SSX2IP: variants seen among roughly 807,000 people sequenced by gnomAD.
SSX2IP encodes SSX family member 2 interacting protein, also known as afadin- and alpha-actinin-binding protein.
Under a neutral mutation model 84.9 loss-of-function variants are expected in SSX2IP, and 55 were observed. The observed-to-expected ratio is 0.65, with a 90% CI of 0.52 to 0.81. The LOEUF (loss-of-function observed/expected upper bound fraction) is 0.81. SSX2IP is among the 30% of genes least tolerant of loss of function. The pLI, the probability that SSX2IP is intolerant of heterozygous loss-of-function variation, is 0.00. For synonymous variants in SSX2IP, 239 were observed against 234.7 expected (o/e 1.02, Z -0.17); for missense variants, 664 against 705.2 (o/e 0.94, Z 0.66).
chr1:84,689,348 T>C (rs1174691778), intron 1 of SSX2IP, among the ~76,000 whole-genome samples: 2 of 152,162 alleles, frequency 1.3e-5, no homozygotes, highest in Admixed American at 6.5e-5. Flanking sequence ...CAAACCCCCA[T>C]GAACCATGAA....
chr1:84,665,131 C>A (rs957960961), intron 5 of SSX2IP, among the ~76,000 whole-genome samples: 20 of 152,164 alleles, frequency 1.3e-4, no homozygotes, highest in Non-Finnish European at 2.2e-4. Context: ...CAACTCCTGA[C>A]AGAGTATGTC....
rs1367504934 is a variant in SSX2IP, at chr1:84,644,322, G to A, written c.*3111C>T. ...TCCACCATTGTTTATTACAATGTAG[G>A]TTTAATAGTTGGCCTTCCACTCAGC... On this transcript the variant is annotated 3_prime_UTR_variant, in exon 14 of 14. Transcript: ENST00000342203. The A allele has an allele frequency of 6.6e-6, 1 of 152,186 alleles. No individual in the cohort carries two copies. Among genetic ancestry groups the A allele is most frequent in the Non-Finnish European group, 1.5e-5 (1 of 68,034 alleles). The allele number at this position is 152,186 out of a possible 1,614,324, so 9.4% of individuals were successfully genotyped here.
chr1:84,683,846 TACAA>T (rs967631019), intron 1 of SSX2IP, among the ~76,000 whole-genome samples: 48 of 152,344 alleles, frequency 3.2e-4, no homozygotes, highest in African/African-American at 1.0e-3. Flanking sequence ...CATGGCAATT[TACAA>T]ACAGTGTATC....
chr1:84,644,172 C>A lies in SSX2IP; in HGVS notation c.*3261G>T, dbSNP rs1295342904. 1.3e-5 allele frequency: 2 copies of A among 152,284 alleles called. No individual in the cohort carries two copies. Among genetic ancestry groups the A allele is most frequent in the African/African-American group, 4.8e-5 (2 of 41,554 alleles). The allele number at this position is 152,284 out of a possible 1,614,324, so 9.4% of individuals were successfully genotyped here. On this transcript the variant is annotated 3_prime_UTR_variant, in exon 14 of 14. Coordinates refer to ENST00000342203, the MANE Select transcript of SSX2IP (RefSeq NM_001166293.2). ...AACAATCATCTGTTACATAGTACTT[C>A]ACAAAGGAAATAATGCTAAGACTTA...
At chr1:84,687,393 T>A (rs56681543) in intron 1 of SSX2IP, among the ~76,000 whole-genome samples, 1 of 152,156 alleles carries the variant, frequency 6.6e-6, no homozygotes, top group African/African-American at 2.4e-5. Context: ...GAATCCTACA[T>A]TGCTAGAGTC....
Position 84,647,326 on chromosome 1 carries a change from A to G in SSX2IP, c.*107T>C. 1 of 998,602 alleles carries G rather than the reference A, an allele frequency of 1.0e-6. No individual in the cohort carries two copies. The highest frequency in any genetic ancestry group is 1.4e-6 in the Non-Finnish European group (1 of 700,844). 61.9% of individuals were successfully genotyped at this position (998,602 alleles called of 1,614,324 possible). A position where few individuals can be genotyped will look rare whatever the true frequency, so the allele number is the denominator to read the frequency against. On this transcript the variant is annotated 3_prime_UTR_variant, in exon 14 of 14. Coordinates refer to ENST00000342203, the MANE Select transcript of SSX2IP (RefSeq NM_001166293.2). ...ACAGGGAAGTCCAAACAAACAACTC[A>G]GACCATCTTAAGTTATTAGAGATAA...
intron 11 of SSX2IP, among the ~76,000 whole-genome samples, chr1:84,654,184 T>C (rs1261143122): frequency 6.6e-6 from 1 of 151,898 alleles, no homozygotes; most frequent in African/African-American, 2.4e-5. Context: ...ATTAAAGAAA[T>C]ACAGAATCTT....
At chr1:84,650,995 G>A (rs1312753077) in intron 12 of SSX2IP, among the ~76,000 whole-genome samples, 2 of 152,080 alleles carry the variant, frequency 1.3e-5, no homozygotes, top group East Asian at 2.0e-4. Flanking sequence ...GTGAGCCACC[G>A]TGCCCAGCCA....
intron 9 of SSX2IP, among the ~76,000 whole-genome samples, chr1:84,656,955 G>A (rs1240206749): frequency 6.6e-6 from 1 of 152,068 alleles, no homozygotes; most frequent in African/African-American, 2.4e-5. Flanking sequence ...CAACAAATAC[G>A]AAGTCCAAAC....
intron 2 of SSX2IP, 91 bp downstream of exon 2, chr1:84,671,083 ATCT>A: frequency 7.1e-7 from 1 of 1,417,452 alleles, no homozygotes; most frequent in Admixed American, 2.2e-5. Flanking sequence ...CTTTAGTCAC[ATCT>A]TCAACATCTG....
chr1:84,682,294 T>C (rs896918130), intron 1 of SSX2IP, among the ~76,000 whole-genome samples: 2 of 152,126 alleles, frequency 1.3e-5, no homozygotes, highest in African/African-American at 4.8e-5. Flanking sequence ...CTGGACTGAG[T>C]AGCATCAGAG....
intron 4 of SSX2IP, 86 bp downstream of exon 4, chr1:84,669,595 C>A: frequency 8.7e-7 from 1 of 1,151,004 alleles, no homozygotes; most frequent in South Asian, 1.5e-5. Flanking sequence ...CTTAAGAAAA[C>A]CCTGAAATAT....
chr1:84,688,454 A>G lies in SSX2IP; in HGVS notation c.-90+1917T>C, dbSNP rs1289804962. ...AATCGATCCAATTTAAGCATGTTAAATGAATTAAAATCACACAATTTGGGG... is the reference window on the plus strand; with the variant it reads ...AATCGATCCAATTTAAGCATGTTAAGTGAATTAAAATCACACAATTTGGGG... On this transcript the variant is annotated intron_variant, in intron 1 of 13. Coordinates refer to ENST00000342203, the MANE Select transcript of SSX2IP (RefSeq NM_001166293.2). 2.6e-5 allele frequency among the ~76,000 whole-genome samples: 4 copies of G among 152,220 alleles called. No homozygotes were observed. The East Asian group carries it at 7.7e-4, about 29-fold the overall frequency.
At chr1:84,661,752 G>C (rs955946265) in intron 8 of SSX2IP, among the ~76,000 whole-genome samples, 15 of 152,176 alleles carry the variant, frequency 9.9e-5, no homozygotes, top group African/African-American at 3.6e-4. Flanking sequence ...TGACATAGTG[G>C]TTATGATTGT....
Position 84,647,183 on chromosome 1 carries a change from T to A in SSX2IP, c.*250A>T. 1 of 298,552 alleles carries A rather than the reference T, an allele frequency of 3.3e-6. No homozygotes were observed. Among genetic ancestry groups the A allele is most frequent in the East Asian group, 5.7e-5 (1 of 17,574 alleles). 18.5% of individuals were successfully genotyped at this position (298,552 alleles called of 1,614,324 possible). On this transcript the variant is annotated 3_prime_UTR_variant, in exon 14 of 14. Transcript: ENST00000342203. Reference sequence around the variant, plus strand: ...ACTCAGTCTAGTGCTTTTGTTTCCATCCAAACATCTATACATTCCTTTATT... The same window carrying A: ...ACTCAGTCTAGTGCTTTTGTTTCCAACCAAACATCTATACATTCCTTTATT...
intron 11 of SSX2IP, chr1:84,655,571 T>A (rs930492509): frequency 9.2e-6 from 13 of 1,419,018 alleles, no homozygotes; most frequent in Middle Eastern, 1.8e-4. Flanking sequence ...GTAAAACACT[T>A]AGCAGGAGAA....
intron 13 of SSX2IP, chr1:84,649,796 ATAATAAC>A (rs1299478494): frequency 3.2e-5 from 12 of 369,874 alleles, no homozygotes; most frequent in African/African-American, 2.6e-4. Context: ...AGAAAATGAT[ATAATAAC>A]TTGAGATACA....
At chr1:84,660,664 C>T (rs1651814492) in intron 8 of SSX2IP, among the ~76,000 whole-genome samples, 1 of 151,774 alleles carries the variant, frequency 6.6e-6, no homozygotes, top group Non-Finnish European at 1.5e-5. Context: ...ACTCTGGAGG[C>T]TGAGGCAGGA....
chr1:84,662,124 G>T, intron 8 of SSX2IP, 74 bp downstream of exon 8: 1 of 1,000,600 alleles, frequency 1.0e-6, no homozygotes, highest in Non-Finnish European at 1.5e-6. Context: ...TCCCCATTGA[G>T]AATGCCTACC....
Sources: allele counts gnomAD v4.1 joint callset (sites outside exome capture counted in the v4.1 genomes callset), GRCh38; gene constraint gnomAD v4.1.1; transcripts MANE v1.5; gene names NCBI Gene and HGNC (gene_info 2026-07-23, HGNC 2026-07-21).